The following CTNNA3 variants were observed in gnomAD, a reference collection of about 807,000 sequenced individuals.
The protein encoded by CTNNA3 is catenin alpha 3.
In CTNNA3, 76 loss-of-function variants were observed where a neutral mutation model predicts 95.7. The ratio of observed to expected loss-of-function variants is 0.79; its 90% CI spans 0.66 to 0.96. The LOEUF (loss-of-function observed/expected upper bound fraction) is 0.96, where lower values mean the gene tolerates loss of function less well. CTNNA3 is among the 40% of genes least tolerant of loss of function. The pLI is 0.00. For missense variants in CTNNA3, 1,191 were observed against 1,089.8 expected, an observed-to-expected ratio of 1.09 and a Z score of -1.31; for synonymous variants, 431 against 374.4, an observed-to-expected ratio of 1.15 and a Z score of -1.74.
intron 5 of CTNNA3, among the ~76,000 whole-genome samples, chr10:67,241,277 G>C (rs1012371964): frequency 3.9e-5 from 6 of 152,046 alleles, no homozygotes; most frequent in Non-Finnish European, 2.9e-5. Flanking sequence ...ACAAAAATTA[G>C]TTGGGCATGG....
At chr10:66,844,355 A>C (rs1843175606) in intron 7 of CTNNA3, among the ~76,000 whole-genome samples, 1 of 152,184 alleles carries the variant, frequency 6.6e-6, no homozygotes, top group Non-Finnish European at 1.5e-5. Context: ...GTTTCTGTTT[A>C]GCATTAGTCA....
intron 7 of CTNNA3, among the ~76,000 whole-genome samples, chr10:66,800,690 A>G (rs992799297): frequency 1.3e-4 from 20 of 151,376 alleles, no homozygotes; most frequent in African/African-American, 4.3e-4. Context: ...GGAAACTACA[A>G]CTATATAGGA....
At chr10:66,482,670 A>AT (rs1313719148) in intron 11 of CTNNA3, among the ~76,000 whole-genome samples, 3 of 152,242 alleles carry the variant, frequency 2.0e-5, no homozygotes, top group Admixed American at 1.3e-4. Flanking sequence ...TTGTCTGAAC[A>AT]TTTTTCACAG....
chr10:67,255,860 T>G (rs542190509), intron 5 of CTNNA3, among the ~76,000 whole-genome samples: 27 of 152,300 alleles, frequency 1.8e-4, no homozygotes, highest in African/African-American at 6.5e-4. Flanking sequence ...AATGGCTTAT[T>G]TAATGTCATT....
intron 11 of CTNNA3, among the ~76,000 whole-genome samples, chr10:66,442,246 C>T (rs1232876173): frequency 6.6e-6 from 1 of 152,082 alleles, no homozygotes; most frequent in Non-Finnish European, 1.5e-5. Context: ...CAATAGTACA[C>T]TATTTTATAT....
At chr10:67,435,863 G>A (rs752704730) in intron 5 of CTNNA3, among the ~76,000 whole-genome samples, 1 of 151,954 alleles carries the variant, frequency 6.6e-6, no homozygotes, top group Non-Finnish European at 1.5e-5. Flanking sequence ...GATCATGGAG[G>A]GGTAGAATCA....
intron 7 of CTNNA3, among the ~76,000 whole-genome samples, chr10:66,948,491 T>C (rs1167970988): frequency 2.0e-5 from 3 of 152,238 alleles, no homozygotes; most frequent in Non-Finnish European, 4.4e-5. Flanking sequence ...TTGTGACAAC[T>C]GACCGATTCT....
At chr10:67,509,060 G>A (rs565825856) in intron 5 of CTNNA3, among the ~76,000 whole-genome samples, 1 of 152,094 alleles carries the variant, frequency 6.6e-6, no homozygotes, top group African/African-American at 2.4e-5. Flanking sequence ...ATTTTTAGTA[G>A]AGACGGGGTT....
At chr10:66,840,360 TCTCTCTCTCTCTCACA>T (rs1392663502) in intron 7 of CTNNA3, among the ~76,000 whole-genome samples, 2,976 of 118,068 alleles carry the variant, frequency 0.025, 82 homozygotes, top group African/African-American at 0.11. Flanking sequence ...TCTCTCTCTC[TCTCTCTCTCTCTCACA>T]CACACACACA....
chr10:66,240,232 T>G (rs1055408180), intron 13 of CTNNA3, among the ~76,000 whole-genome samples: 3 of 152,052 alleles, frequency 2.0e-5, no homozygotes, highest in African/African-American at 7.2e-5. Flanking sequence ...AGTAAAGCCC[T>G]ATGGAAATAA....
intron 15 of CTNNA3, among the ~76,000 whole-genome samples, chr10:66,068,190 G>T (rs1046820547): frequency 1.5e-4 from 23 of 151,982 alleles, no homozygotes; most frequent in African/African-American, 4.3e-4. Flanking sequence ...ATATTTGTCT[G>T]CCATAACTTT....
intron 11 of CTNNA3, among the ~76,000 whole-genome samples, chr10:66,481,264 T>G (rs900415393): frequency 6.6e-6 from 1 of 152,042 alleles, no homozygotes; most frequent in Non-Finnish European, 1.5e-5. Flanking sequence ...ACTTTACAGT[T>G]TTTTAATGCA....
chr10:67,251,898 G>A (rs796375093), intron 5 of CTNNA3, among the ~76,000 whole-genome samples: 2 of 152,064 alleles, frequency 1.3e-5, no homozygotes, highest in South Asian at 4.2e-4. Context: ...ATCACTAGTG[G>A]CCTCAGATGT....
At chr10:67,066,580 C>A (rs928231261) in intron 7 of CTNNA3, among the ~76,000 whole-genome samples, 10 of 150,594 alleles carry the variant, frequency 6.6e-5, no homozygotes, top group Admixed American at 1.3e-4. Context: ...ATTACAGAAG[C>A]CAAAATATCA....
intron 7 of CTNNA3, among the ~76,000 whole-genome samples, chr10:66,785,003 G>T (rs959912963): frequency 2.6e-5 from 4 of 152,190 alleles, no homozygotes; most frequent in African/African-American, 9.6e-5. Flanking sequence ...AGATGTGAAT[G>T]AATTCCAACA....
chr10:67,396,976 G>A (rs1202308690), intron 5 of CTNNA3, among the ~76,000 whole-genome samples: 3 of 152,178 alleles, frequency 2.0e-5, no homozygotes, highest in Admixed American at 1.3e-4. Context: ...TGAACCGTGA[G>A]TCAATTAAAC....
chr10:67,738,961 T>C (rs922733561), intron 1 of CTNNA3, among the ~76,000 whole-genome samples: 1 of 152,130 alleles, frequency 6.6e-6, no homozygotes, highest in Non-Finnish European at 1.5e-5. Context: ...CAAATCTATA[T>C]CTGATTGGTG....
Position 66,783,242 on chromosome 10 carries a change from C to G in CTNNA3, c.1048-7718G>C, listed in dbSNP as rs755047436. 2.6e-5 allele frequency among the ~76,000 whole-genome samples: 4 copies of G among 152,078 alleles called. No homozygotes were observed. The East Asian group carries it at 7.7e-4, about 29-fold the overall frequency. ...TTGCACTACAAAAAGAAAATCAAAT[C>G]ATTTTTCTGAAGATGTTACTCACAG... On this transcript the variant is annotated intron_variant, in intron 7 of 17. Transcript: ENST00000433211.
At chr10:66,070,987 A>G (rs966925924) in intron 14 of CTNNA3, among the ~76,000 whole-genome samples, 1 of 152,204 alleles carries the variant, frequency 6.6e-6, no homozygotes, top group Non-Finnish European at 1.5e-5. Context: ...AGGGGGAACA[A>G]TAGCAGCAAC....
Sources: gnomAD v4.1 joint callset for allele counts (sites outside exome capture counted in the v4.1 genomes callset) on GRCh38, gnomAD v4.1.1 for gene constraint, MANE v1.5 for transcripts, NCBI Gene and HGNC (gene_info 2026-07-23, HGNC 2026-07-21) for gene names.